MAF: variants seen among roughly 807,000 people sequenced by gnomAD.
MAF encodes the protein MAF bZIP transcription factor.
Under a neutral mutation model 22.0 loss-of-function variants are expected in MAF, and 10 were observed. The observed-to-expected ratio is 0.45, with a 90% CI of 0.28 to 0.77. The LOEUF (loss-of-function observed/expected upper bound fraction) is 0.77. Among genes scored for constraint, MAF ranks in the 30% least tolerant of loss-of-function variants. MAF has a pLI of 0.12. For missense variants in MAF, 544 were observed against 548.4 expected (o/e 0.99, Z 0.08); for synonymous variants, 337 against 255.8 (o/e 1.32, Z -3.03).
the MAF span, among the ~76,000 whole-genome samples, chr16:79,304,339 C>T: frequency 6.6e-6 from 1 of 152,198 alleles, no homozygotes; most frequent in African/African-American, 2.4e-5. Context: ...TGCAGTTATA[C>T]CGCTTGGACA....
At chr16:79,341,514 GA>G in the MAF span, among the ~76,000 whole-genome samples, 6 of 152,170 alleles carry the variant, frequency 3.9e-5, no homozygotes, top group African/African-American at 1.4e-4. Flanking sequence ...AGCCACAGTG[GA>G]ATATTTACAT....
At position 79,594,518 on chromosome 16, in the gene MAF, C is replaced by A; in HGVS notation, c.1154G>T (p.Gly385Val). 1 of 1,566,200 alleles carries A rather than the reference C, an allele frequency of 6.4e-7. No homozygotes were observed. Among genetic ancestry groups the A allele is most frequent in the Non-Finnish European group, 8.7e-7 (1 of 1,152,778 alleles). Reference sequence around the variant, plus strand: ...CTGGGGCTTCCAAAATGTGGCGTATCCCACTGATGGCTCCAACTTGCGAGT... The same window carrying A: ...CTGGGGCTTCCAAAATGTGGCGTATACCACTGATGGCTCCAACTTGCGAGT... The part of the protein sequence containing the change: ...EPTRKLEPSV[G>V]YATFWKPQHR... Residue 385 changes from glycine to valine, a missense_variant, in exon 2 of 2, where the codon GGA (glycine) becomes GTA (valine). By Grantham distance (109) the Gly-to-Val change is moderately radical. Coordinates refer to ENST00000326043, the MANE Select transcript of MAF (RefSeq NM_005360.5).
chr16:79,529,777 G>C, the MAF span, among the ~76,000 whole-genome samples: 1 of 152,100 alleles, frequency 6.6e-6, no homozygotes, highest in African/African-American at 2.4e-5. Flanking sequence ...CCTGGCCAAT[G>C]TGGTGAAACC....
the MAF span, among the ~76,000 whole-genome samples, chr16:79,248,876 C>T: frequency 6.6e-6 from 1 of 151,882 alleles, no homozygotes; most frequent in Non-Finnish European, 1.5e-5. Flanking sequence ...AAATTTTGTC[C>T]AAAAGAATCC....
At chr16:79,550,507 C>G in the MAF span, among the ~76,000 whole-genome samples, 4 of 152,270 alleles carry the variant, frequency 2.6e-5, no homozygotes, top group Admixed American at 1.3e-4. Context: ...AACAGCTCAC[C>G]ATGTGACCCA....
chr16:79,231,545 C>T, the MAF span, among the ~76,000 whole-genome samples: 1 of 152,062 alleles, frequency 6.6e-6, no homozygotes, highest in Non-Finnish European at 1.5e-5. Flanking sequence ...TCTGTTATCA[C>T]CTGTCTAGTT....
At chr16:79,474,712 C>T in the MAF span, among the ~76,000 whole-genome samples, 113 of 152,092 alleles carry the variant, frequency 7.4e-4, no homozygotes, top group Non-Finnish European at 1.5e-3. Context: ...TTATTTTTTG[C>T]TGGTGAAGGA....
the MAF span, among the ~76,000 whole-genome samples, chr16:79,332,832 C>G: frequency 2.6e-5 from 4 of 152,204 alleles, no homozygotes; most frequent in East Asian, 7.7e-4. Context: ...AAAGCCAGCA[C>G]TATTTCTACT....
chr16:79,450,373 G>A, the MAF span, among the ~76,000 whole-genome samples: 1 of 152,172 alleles, frequency 6.6e-6, no homozygotes, highest in African/African-American at 2.4e-5. Context: ...TTGGAGAAAT[G>A]TCCATCTATC....
the MAF span, among the ~76,000 whole-genome samples, chr16:79,418,364 C>T: frequency 6.6e-6 from 1 of 152,134 alleles, no homozygotes; most frequent in African/African-American, 2.4e-5. Context: ...TGTTCAGCCA[C>T]ACAAAGCCTG....
chr16:79,219,271 C>G, the MAF span, among the ~76,000 whole-genome samples: 1 of 152,134 alleles, frequency 6.6e-6, no homozygotes, highest in African/African-American at 2.4e-5. Flanking sequence ...GTGACAATGT[C>G]TCATCTGATG....
At chr16:79,570,180 A>G in the MAF span, among the ~76,000 whole-genome samples, 2 of 152,124 alleles carry the variant, frequency 1.3e-5, no homozygotes, top group Admixed American at 6.5e-5. Flanking sequence ...AGGTAAAGGA[A>G]TTATTGCTTT....
the MAF span, among the ~76,000 whole-genome samples, chr16:79,383,441 A>G: frequency 5.3e-5 from 8 of 152,188 alleles, no homozygotes; most frequent in African/African-American, 1.7e-4. Context: ...TTCAGAATCT[A>G]TATGATGGTA....
the MAF span, among the ~76,000 whole-genome samples, chr16:79,270,647 T>C: frequency 4.1e-4 from 63 of 152,252 alleles, no homozygotes; most frequent in African/African-American, 1.4e-3. Context: ...GGCACAACCA[T>C]CTCTCAGGAA....
the MAF span, among the ~76,000 whole-genome samples, chr16:79,473,404 C>T: frequency 5.1e-3 from 781 of 152,342 alleles, 2 homozygotes; most frequent in African/African-American, 0.018. Flanking sequence ...GGGGCTACCT[C>T]TGGGCCTCTT....
the MAF span, chr16:79,264,622 G>C: frequency 3.9e-5 from 6 of 152,280 alleles, no homozygotes; most frequent in South Asian, 1.2e-3. Flanking sequence ...TGCTGAGTCA[G>C]ACAAAAGAAT....
chr16:79,230,940 C>T, the MAF span, among the ~76,000 whole-genome samples: 1 of 152,068 alleles, frequency 6.6e-6, no homozygotes, highest in Admixed American at 6.6e-5. Flanking sequence ...TATTTCTCTG[C>T]CCAAAATATA....
At chr16:79,514,340 G>C in the MAF span, among the ~76,000 whole-genome samples, 1 of 152,134 alleles carries the variant, frequency 6.6e-6, no homozygotes, top group Non-Finnish European at 1.5e-5. Context: ...CTTTTGTTTT[G>C]GTGGGGGAGT....
At chr16:79,382,228 G>A in the MAF span, among the ~76,000 whole-genome samples, 2 of 152,158 alleles carry the variant, frequency 1.3e-5, no homozygotes, top group Non-Finnish European at 2.9e-5. Context: ...GCCGATCTAA[G>A]AATTTCACCT....
Sources: allele counts gnomAD v4.1 joint callset (sites outside exome capture counted in the v4.1 genomes callset), GRCh38; gene constraint gnomAD v4.1.1; transcripts MANE v1.5; gene names NCBI Gene and HGNC (gene_info 2026-07-23, HGNC 2026-07-21).